UNC13B: variants seen among roughly 807,000 people sequenced by gnomAD.
UNC13B encodes protein unc-13 homolog B.
Under a neutral mutation model 211.0 loss-of-function variants are expected in UNC13B, and 144 were observed. That is an observed-to-expected ratio of 0.68 (90% CI 0.60 to 0.78). The LOEUF (loss-of-function observed/expected upper bound fraction) is 0.78. Among genes scored for constraint, UNC13B ranks in the 30% least tolerant of loss-of-function variants. The probability of loss-of-function intolerance (pLI) is 0.00; values close to 1 mark genes in which losing one functional copy is unlikely to be tolerated. For missense variants in UNC13B, 1,777 were observed against 2,002.0 expected, an observed-to-expected ratio of 0.89 and a Z score of 2.14; for synonymous variants, 709 against 725.8, an observed-to-expected ratio of 0.98 and a Z score of 0.37.
intron 11 of UNC13B, chr9:35,353,179 T>C: frequency 8.1e-7 from 1 of 1,232,138 alleles, no homozygotes. Flanking sequence ...AGGAATGTGC[T>C]GCTCACGTCC....
chr9:35,178,593 A>G (rs1821765124), intron 1 of UNC13B, among the ~76,000 whole-genome samples: 1 of 152,202 alleles, frequency 6.6e-6, no homozygotes, highest in Admixed American at 6.5e-5. Flanking sequence ...TCAATTTCAG[A>G]GTGGTTACAT....
chr9:35,193,712 G>A (rs1463192381), intron 1 of UNC13B, among the ~76,000 whole-genome samples: 1 of 150,170 alleles, frequency 6.7e-6, no homozygotes, highest in Non-Finnish European at 1.5e-5. Context: ...TTTTCCTGTT[G>A]ATGGAGCAGT....
At chr9:35,323,685 A>C (rs920444520) in intron 11 of UNC13B, among the ~76,000 whole-genome samples, 1 of 152,116 alleles carries the variant, frequency 6.6e-6, no homozygotes, top group African/African-American at 2.4e-5. Flanking sequence ...CCTTGACTGG[A>C]CCTGGCTGTT....
intron 1 of UNC13B, among the ~76,000 whole-genome samples, chr9:35,167,336 G>T (rs1299828455): frequency 6.6e-6 from 1 of 152,122 alleles, no homozygotes; most frequent in African/African-American, 2.4e-5. Context: ...GCCTTGCAAA[G>T]TGCTGAGATT....
chr9:35,168,767 T>A (rs1417762684), intron 1 of UNC13B, among the ~76,000 whole-genome samples: 1 of 150,638 alleles, frequency 6.6e-6, no homozygotes, highest in South Asian at 2.1e-4. Context: ...AGTGGCATGA[T>A]CACGGCTCAC....
Position 35,300,185 on chromosome 9 carries a change from A to G in UNC13B, c.781A>G (p.Thr261Ala). The G allele has an allele frequency of 2.5e-6, 1 of 398,870 alleles. No individual in the cohort carries two copies. The highest frequency in any genetic ancestry group is 4.4e-6 in the Non-Finnish European group (1 of 225,976). The allele number at this position is 398,870 out of a possible 1,614,324, so 24.7% of individuals were successfully genotyped here. ...RAIRYAQKYD[T>A]LDRRRKKKSL... is the part of the protein sequence containing the mutation. ...CTCCAGGTATGCTCAGAAATATGAT[A>G]CACTAGATAGAAGAAGAAAAAAGAA... is the stretch of plus-strand genomic sequence containing the variant. Residue 261 changes from threonine to alanine, a missense_variant, in exon 9 of 40, where the codon ACA (threonine) becomes GCA (alanine). Coordinates refer to ENST00000635942, the MANE Select transcript of UNC13B (RefSeq NM_001371189.2).
Position 35,378,365 on chromosome 9 carries a change from C to CTTCTT in UNC13B, c.10134_10135insTTCTT (p.Ser3379PhefsTer16). 1 of 1,614,112 alleles carries CTTCTT rather than the reference C, an allele frequency of 6.2e-7. No homozygotes were observed. The highest frequency in any genetic ancestry group is 1.1e-5 in the South Asian group (1 of 91,072). On this transcript the variant is annotated frameshift_variant, in exon 17 of 40. Coordinates refer to ENST00000635942, the MANE Select transcript of UNC13B (RefSeq NM_001371189.2). LOFTEE classifies it high-confidence loss of function. ...GTGACCCTTACGTGACTGTGCAAGT[C>CTTCTT]AGCAAAACTAAGAAGCGTACCAAGA...
rs556546585 is a variant in UNC13B, at chr9:35,351,627, G to A, written c.9415-15320G>A. 15 of 1,232,216 alleles carry A rather than the reference G, an allele frequency of 1.2e-5. No individual in the cohort carries two copies. In the African/African-American group the frequency reaches 2.3e-4, roughly 19 times the overall value. 76.3% of individuals were successfully genotyped at this position (1,232,216 alleles called of 1,614,324 possible). On this transcript the variant is annotated intron_variant, in intron 11 of 39. Transcript: ENST00000635942. ...AAGGCTAAGGCAGAGACCATGTGTG[G>A]CACCAAGAGCAAATCCTCTGGCCCT...
chr9:35,209,474 T>G (rs1823847933), intron 1 of UNC13B, among the ~76,000 whole-genome samples: 1 of 152,102 alleles, frequency 6.6e-6, no homozygotes, highest in Non-Finnish European at 1.5e-5. Context: ...ACCTCCCAGA[T>G]TCAAGCAATT....
chr9:35,346,679 T>C (rs1039745986), intron 11 of UNC13B, among the ~76,000 whole-genome samples: 6 of 152,164 alleles, frequency 3.9e-5, no homozygotes, highest in African/African-American at 1.4e-4. Context: ...CAGAAAGGTA[T>C]GGTTTTTGTC....
chr9:35,217,092 T>G (rs1226991713), intron 1 of UNC13B, among the ~76,000 whole-genome samples: 2 of 152,168 alleles, frequency 1.3e-5, no homozygotes, highest in African/African-American at 4.8e-5. Context: ...ATATCTTGAT[T>G]GTGGCAATAG....
intron 11 of UNC13B, chr9:35,351,314 G>A (rs1564156530): frequency 8.2e-7 from 1 of 1,216,378 alleles, no homozygotes; most frequent in Non-Finnish European, 1.0e-6. Flanking sequence ...AATCAAGCCA[G>A]GATCCAGGGG....
In UNC13B at chr9:35,182,235, A is replaced by G. The variant is rs1049927792; in HGVS notation, c.22+19930A>G. 3.9e-5 allele frequency among the ~76,000 whole-genome samples: 6 copies of G among 152,220 alleles called. 1 individual carries two copies. Among genetic ancestry groups the G allele is most frequent in the South Asian group, 2.1e-4 (1 of 4,824 alleles). ...AGTTTTCTTGAAAGTTGACTCCTCT[A>G]TTGCTGCTTCTAGTGCATTTTTATA... On this transcript the variant is annotated intron_variant, in intron 1 of 39. Coordinates refer to ENST00000635942, the MANE Select transcript of UNC13B (RefSeq NM_001371189.2).
At chr9:35,396,785 A>C (rs1835908858) in intron 27 of UNC13B, 56 bp from the exon 28 acceptor site, 1 of 1,609,330 alleles carries the variant, frequency 6.2e-7, no homozygotes, top group African/African-American at 1.3e-5. Flanking sequence ...AGCTGTCAGG[A>C]AGTGGCGTAT....
At chr9:35,212,416 T>C (rs372464194) in intron 1 of UNC13B, among the ~76,000 whole-genome samples, 242 of 152,008 alleles carry the variant, frequency 1.6e-3, no homozygotes, top group African/African-American at 5.5e-3. Flanking sequence ...CCACTAAAAA[T>C]ACAAAAATTA....
chr9:35,367,604 T>C (rs892132915), intron 12 of UNC13B, among the ~76,000 whole-genome samples: 3 of 151,494 alleles, frequency 2.0e-5, no homozygotes, highest in Non-Finnish European at 4.4e-5. Context: ...TTATTCATTC[T>C]ATCCATTCCA....
intron 7 of UNC13B, among the ~76,000 whole-genome samples, chr9:35,271,599 G>A (rs1827885183): frequency 6.6e-6 from 1 of 152,042 alleles, no homozygotes; most frequent in Admixed American, 6.6e-5. Flanking sequence ...AGTTTCTAAG[G>A]TATTTACACT....
At chr9:35,193,444 C>T (rs977113274) in intron 1 of UNC13B, among the ~76,000 whole-genome samples, 5 of 151,808 alleles carry the variant, frequency 3.3e-5, no homozygotes, top group Non-Finnish European at 7.4e-5. Context: ...GTCAGGAGTT[C>T]GAGACCAGCC....
rs536907328 is a variant in UNC13B, at chr9:35,307,133, G to A, written c.7729G>A (p.Glu2577Lys). ...CRMTVVSAKPESDILTDDPKL... is the reference protein window; with the variant it reads ...CRMTVVSAKPKSDILTDDPKL... The stretch of plus-strand genomic sequence containing the variant: ...AATGACTGTGGTTAGTGCAAAGCCA[G>A]AATCAGATATCTTGACAGATGATCC... Residue 2577 changes from glutamate (E) to lysine (K), a missense_variant, in exon 9 of 40, where the codon GAA (glutamate) becomes AAA (lysine). Glu to Lys is a moderately conservative substitution (Grantham distance 56). Coordinates refer to ENST00000635942, the MANE Select transcript of UNC13B (RefSeq NM_001371189.2). 2.5e-6 allele frequency: 1 copy of A among 399,018 alleles called. No homozygotes were observed. The highest frequency in any genetic ancestry group is 4.4e-6 in the Non-Finnish European group (1 of 226,068). 24.7% of individuals were successfully genotyped at this position (399,018 alleles called of 1,614,324 possible).
Sources: allele counts gnomAD v4.1 joint callset (sites outside exome capture counted in the v4.1 genomes callset), GRCh38; gene constraint gnomAD v4.1.1; transcripts MANE v1.5; gene names NCBI Gene and HGNC (gene_info 2026-07-23, HGNC 2026-07-21).